Variants in SCFD2 observed in about 807,000 individuals in gnomAD.
SCFD2 encodes sec1 family domain-containing protein 2.
Under a neutral mutation model 58.9 loss-of-function variants are expected in SCFD2, and 54 were observed. That is an observed-to-expected ratio of 0.92 (90% CI 0.74 to 1.15). The LOEUF (loss-of-function observed/expected upper bound fraction) is 1.15. SCFD2 is among the 50% of genes most tolerant of loss of function. The pLI, the probability that SCFD2 is intolerant of heterozygous loss-of-function variation, is 0.00. For synonymous variants in SCFD2, 321 were observed against 335.9 expected, an observed-to-expected ratio of 0.96 and a Z score of 0.49; for missense variants, 805 against 836.6, an observed-to-expected ratio of 0.96 and a Z score of 0.47.
intron 5 of SCFD2, among the ~76,000 whole-genome samples, chr4:53,108,738 C>CA (rs1037839124): frequency 2.6e-5 from 4 of 151,884 alleles, no homozygotes; most frequent in African/African-American, 9.7e-5. Flanking sequence ...GCCTACCAAC[C>CA]AAAAAAAGCC....
chr4:53,323,359 T>A (rs1243457506), intron 2 of SCFD2, among the ~76,000 whole-genome samples: 1 of 152,030 alleles, frequency 6.6e-6, no homozygotes, highest in Admixed American at 6.6e-5. Context: ...GAGAGAAGAA[T>A]ATACAGTAGT....
chr4:53,062,851 T>C (rs1363162321), intron 5 of SCFD2, among the ~76,000 whole-genome samples: 1 of 152,158 alleles, frequency 6.6e-6, no homozygotes, highest in East Asian at 1.9e-4. Flanking sequence ...TTTTAAAAAC[T>C]GGTTTTTTGA....
chr4:53,192,148 C>T (rs1356920521), intron 4 of SCFD2, among the ~76,000 whole-genome samples: 1 of 152,190 alleles, frequency 6.6e-6, no homozygotes, highest in Non-Finnish European at 1.5e-5. Flanking sequence ...AGTTGAACTG[C>T]TTAATAAAAA....
intron 6 of SCFD2, among the ~76,000 whole-genome samples, chr4:52,908,029 C>T (rs956221092): frequency 6.6e-5 from 10 of 152,182 alleles, no homozygotes; most frequent in African/African-American, 2.2e-4. Context: ...ATGTTATTTA[C>T]AATGTGCTGT....
At chr4:53,111,147 G>A (rs1012396016) in intron 5 of SCFD2, among the ~76,000 whole-genome samples, 5 of 152,028 alleles carry the variant, frequency 3.3e-5, no homozygotes, top group African/African-American at 1.2e-4. Context: ...GAGAACATAT[G>A]GACACAGGGA....
At chr4:53,135,616 C>A (rs1012647364) in intron 5 of SCFD2, among the ~76,000 whole-genome samples, 1 of 152,094 alleles carries the variant, frequency 6.6e-6, no homozygotes, top group Non-Finnish European at 1.5e-5. Flanking sequence ...GTGGTACGTG[C>A]CTGTAGTCTC....
At chr4:53,139,059 C>T (rs573668504) in intron 5 of SCFD2, among the ~76,000 whole-genome samples, 1 of 152,144 alleles carries the variant, frequency 6.6e-6, no homozygotes, top group Non-Finnish European at 1.5e-5. Flanking sequence ...TTTGGGAAGA[C>T]GGGGTTTCGC....
At chr4:53,324,427 A>AG (rs913248114) in intron 2 of SCFD2, among the ~76,000 whole-genome samples, 5 of 151,244 alleles carry the variant, frequency 3.3e-5, no homozygotes, top group African/African-American at 1.2e-4. Flanking sequence ...CTCCAAAAAA[A>AG]AAAAAAAAAA....
intron 4 of SCFD2, among the ~76,000 whole-genome samples, chr4:53,225,153 T>C (rs1255861490): frequency 6.6e-6 from 1 of 152,152 alleles, no homozygotes; most frequent in Non-Finnish European, 1.5e-5. Context: ...TAATCTGAAA[T>C]GAAATTACCA....
intron 1 of SCFD2, among the ~76,000 whole-genome samples, chr4:53,358,995 A>T (rs1184168778): frequency 1.3e-5 from 2 of 152,236 alleles, no homozygotes; most frequent in African/African-American, 2.4e-5. Context: ...CCAGGAGAGA[A>T]AGGAACTTGT....
intron 5 of SCFD2, among the ~76,000 whole-genome samples, chr4:53,142,108 T>C (rs1225805013): frequency 2.6e-5 from 4 of 152,218 alleles, no homozygotes; most frequent in African/African-American, 4.8e-5. Flanking sequence ...TTGACAACCA[T>C]GCACATCTTC....
intron 2 of SCFD2, among the ~76,000 whole-genome samples, chr4:53,323,530 A>AT (rs1201482656): frequency 0.037 from 3,956 of 106,744 alleles, 222 homozygotes; most frequent in African/African-American, 0.096. Flanking sequence ...TGCCCAGCTA[A>AT]TTTTTTTTTT....
At chr4:53,331,604 G>A (rs1483695153) in intron 2 of SCFD2, among the ~76,000 whole-genome samples, 1 of 152,182 alleles carries the variant, frequency 6.6e-6, no homozygotes, top group African/African-American at 2.4e-5. Flanking sequence ...GCAGTGTGTA[G>A]AGGGAAATTT....
chr4:52,936,150 T>C (rs1168717052), intron 5 of SCFD2, among the ~76,000 whole-genome samples: 1 of 152,166 alleles, frequency 6.6e-6, no homozygotes, highest in African/African-American at 2.4e-5. Context: ...CTTTCCTTTT[T>C]CATGGCTGTC....
intron 4 of SCFD2, among the ~76,000 whole-genome samples, chr4:53,187,729 G>A (rs1177876431): frequency 6.6e-6 from 1 of 151,988 alleles, no homozygotes. Context: ...GTATGAGTGT[G>A]TGTATATACA....
chr4:53,055,185 T>C (rs1205821501), intron 5 of SCFD2, among the ~76,000 whole-genome samples: 1 of 152,180 alleles, frequency 6.6e-6, no homozygotes, highest in Non-Finnish European at 1.5e-5. Flanking sequence ...TGAAGGTCTG[T>C]CATTATTCTC....
At chr4:53,000,653 G>A (rs1440219264) in intron 5 of SCFD2, among the ~76,000 whole-genome samples, 4 of 152,194 alleles carry the variant, frequency 2.6e-5, no homozygotes, top group Non-Finnish European at 5.9e-5. Flanking sequence ...CTATCTTCCA[G>A]GCCAGCCTAC....
intron 4 of SCFD2, among the ~76,000 whole-genome samples, chr4:53,171,032 TTGATC>T (rs964009346): frequency 6.6e-6 from 1 of 152,214 alleles, no homozygotes; most frequent in African/African-American, 2.4e-5. Flanking sequence ...TCTTCTCTAA[TTGATC>T]TGATAAGGAC....
intron 5 of SCFD2, among the ~76,000 whole-genome samples, chr4:53,137,136 C>T (rs1725966121): frequency 6.6e-6 from 1 of 152,196 alleles, no homozygotes; most frequent in Non-Finnish European, 1.5e-5. Context: ...CACCCAGTTA[C>T]AATATACACT....
Sources: allele counts gnomAD v4.1 joint callset (sites outside exome capture counted in the v4.1 genomes callset), GRCh38; gene constraint gnomAD v4.1.1; transcripts MANE v1.5; gene names NCBI Gene and HGNC (gene_info 2026-07-23, HGNC 2026-07-21).